The following ZIC5 variants were observed in gnomAD, a reference collection of about 807,000 sequenced individuals.
The protein encoded by ZIC5 is Zic family zinc finger 5, also known as zinc finger protein ZIC 5.
Under a neutral mutation model 28.5 loss-of-function variants are expected in ZIC5, and 20 were observed. That is an observed-to-expected ratio of 0.70 (90% confidence interval 0.49 to 1.02). The LOEUF (loss-of-function observed/expected upper bound fraction) is 1.02, where lower values mean the gene tolerates loss of function less well. Ranked by LOEUF, ZIC5 falls within the 50% of genes least tolerant of loss-of-function variation. The probability of loss-of-function intolerance (pLI) is 0.00; values close to 1 mark genes in which losing one functional copy is unlikely to be tolerated. For missense variants in ZIC5, 951 were observed against 899.7 expected (o/e 1.06, Z -0.73); for synonymous variants, 488 against 410.4 (o/e 1.19, Z -2.29).
rs757096138 is a variant in ZIC5, at chr13:99,970,827, C to T, written c.777G>A (p.Leu259=). The T allele has an allele frequency of 9.8e-6, 12 of 1,230,734 alleles. 1 individual carries two copies. The South Asian group carries it at 3.8e-4, about 39-fold the overall frequency. The allele number at this position is 1,230,734 out of a possible 1,614,324, so 76.2% of individuals were successfully genotyped here. A position where few individuals can be genotyped will look rare whatever the true frequency, so the allele number is the denominator to read the frequency against. The change falls in exon 1 of 2, where the codon CTG becomes CTA. Residue 259 remains leucine, a synonymous_variant. Coordinates refer to ENST00000267294, the MANE Select transcript of ZIC5 (RefSeq NM_033132.5). ...CGGCTGCCGCTGCCGCCGCCAGCCC[C>T]AGGCGCATCTGGCCGTTGAGCGGGT... ...HPHPLNGQMR[L]GLAAAAAAAA...
Position 99,963,928 on chromosome 13 carries a change from A to T in ZIC5, c.*1449T>A, listed in dbSNP as rs1424733193. 6.6e-6 allele frequency: 1 copy of T among 152,514 alleles called. No individual in the cohort carries two copies. Among genetic ancestry groups the T allele is most frequent in the East Asian group, 1.9e-4 (1 of 5,206 alleles). The allele number at this position is 152,514 out of a possible 1,614,324, so 9.4% of individuals were successfully genotyped here. A position where few individuals can be genotyped will look rare whatever the true frequency, so the allele number is the denominator to read the frequency against. On this transcript the variant is annotated 3_prime_UTR_variant, in exon 2 of 2. Coordinates refer to ENST00000267294, the MANE Select transcript of ZIC5 (RefSeq NM_033132.5). Reference sequence around the variant, plus strand: ...GTGTCTTCGGGGTCTCTAAGGATAAATTAGTGCTCTTTAGTGTATCTGTAG... The same window carrying T: ...GTGTCTTCGGGGTCTCTAAGGATAATTTAGTGCTCTTTAGTGTATCTGTAG...
Position 99,965,386 on chromosome 13 carries a change from C to T in ZIC5, c.1911G>A (p.Thr637=), listed in dbSNP as rs1056827721. The T allele has an allele frequency of 1.1e-5, 17 of 1,613,376 alleles. No homozygotes were observed. The highest frequency in any genetic ancestry group is 1.3e-5 in the Non-Finnish European group (15 of 1,179,778). The change falls in exon 2 of 2, where the codon ACG becomes ACA. Residue 637 remains threonine (T), a synonymous_variant. Transcript: ENST00000267294. ...TTATTAATAATAAATTCTAATGTAT[C>T]GTCCGCACAACTTCAGGGTTCCCGT... ...EIYGNPEVVR[T]IH
rs761446131 is a variant in ZIC5, at chr13:99,970,280, G to T, written c.1324C>A (p.Pro442Thr). Residue 442 changes from proline to threonine, a missense_variant, in exon 1 of 2, where the codon CCG (proline) becomes ACG (threonine). By Grantham distance (38) the Pro-to-Thr change is conservative. Transcript: ENST00000267294. ...GCCTTGAAGGGCTTGCCCTCGCGCG[G>T]ACAGTCCTCCCAGAAGCAGACGTGG... The part of the protein sequence containing the change: ...SSHVCFWEDC[P>T]REGKPFKAKY... 4 of 1,613,874 alleles carry T rather than the reference G, an allele frequency of 2.5e-6. No individual in the cohort carries two copies. Among genetic ancestry groups the T allele is most frequent in the Non-Finnish European group, 3.4e-6 (4 of 1,179,876 alleles).
Position 99,965,459 on chromosome 13 carries a change from G to A in ZIC5, c.1838C>T (p.Thr613Ile). 2.5e-6 allele frequency: 4 copies of A among 1,614,156 alleles called. No individual in the cohort carries two copies. Among genetic ancestry groups the A allele is most frequent in the Non-Finnish European group, 3.4e-6 (4 of 1,180,034 alleles). Reference protein sequence around the residue: ...QASGAPSHLHTPSSNGTTSET... With the variant: ...QASGAPSHLHIPSSNGTTSET... ...AGAGGTGGTTCCGTTGCTGGAAGGG[G>A]TGTGGAGGTGGCTGGGGGCCCCACT... The change falls in exon 2 of 2, where the codon ACC (threonine) becomes ATC (isoleucine). Residue 613 changes from threonine to isoleucine, a missense_variant. By Grantham distance (89) the Thr-to-Ile change is moderately conservative. This residue lies in a region of ZIC5 where 108 missense variants were observed against 118.4 expected (regional missense o/e 0.91). Transcript: ENST00000267294.
intron 1 of ZIC5, among the ~76,000 whole-genome samples, chr13:99,968,060 G>A (rs940848995): frequency 6.6e-6 from 1 of 152,224 alleles, no homozygotes; most frequent in Non-Finnish European, 1.5e-5. Context: ...GGTTATAAAC[G>A]GGACTGGGGG....
chr13:99,971,322 CG>C lies in ZIC5; in HGVS notation c.281del (p.Pro94ArgfsTer213), dbSNP rs763729631. On this transcript the variant is annotated frameshift_variant, in exon 1 of 2. Transcript: ENST00000267294. LOFTEE classifies it high-confidence loss of function. ...AGGCTGCAGCACGGGCGGCGGCTGC[CG>C]GAGCCTCCGGGTGTGCCGGGAACGC... ...SQAFPAHPEAPAAAARAAALV... is the reference protein window; with the variant it reads ...SQAFPAHPEAXAAAARAAALV... 7.3e-7 allele frequency: 1 copy of C among 1,375,216 alleles called. No individual in the cohort carries two copies. The highest frequency in any genetic ancestry group is 9.3e-7 in the Non-Finnish European group (1 of 1,075,234). The allele number at this position is 1,375,216 out of a possible 1,614,324, so 85.2% of individuals were successfully genotyped here.
In ZIC5 at chr13:99,971,296, A is replaced by C. The variant is rs1451742154; in HGVS notation, c.308T>G (p.Leu103Trp). 4.3e-5 allele frequency: 59 copies of C among 1,356,680 alleles called. No homozygotes were observed. The highest frequency in any genetic ancestry group is 4.9e-5 in the Non-Finnish European group (52 of 1,064,530). 84.0% of individuals were successfully genotyped at this position (1,356,680 alleles called of 1,614,324 possible). The change falls in exon 1 of 2, where the codon TTG (leucine) becomes TGG (tryptophan). Residue 103 changes from leucine to tryptophan, a missense_variant. By Grantham distance (61) the Leu-to-Trp change is moderately conservative. This residue lies in a region of ZIC5 where 784 missense variants were observed against 660.1 expected (regional missense o/e 1.19). Coordinates refer to ENST00000267294, the MANE Select transcript of ZIC5 (RefSeq NM_033132.5). ...APAAAARAAA[L>W]VAHPGAGSYP... The stretch of plus-strand genomic sequence containing the variant: ...GCTGCCCGCGCCGGGGTGCGCGACC[A>C]AGGCTGCAGCACGGGCGGCGGCTGC...
chr13:99,965,961 A>C, intron 1 of ZIC5, 142 bp from the exon 2 acceptor site: 1 of 917,124 alleles, frequency 1.1e-6, no homozygotes, highest in Non-Finnish European at 1.6e-6. Context: ...TAATTCACAA[A>C]AGGGAAGGGA....
rs1403894760 is a variant in ZIC5, at chr13:99,963,815, G to A, written c.*1562C>T. 6.6e-6 allele frequency: 1 copy of A among 151,132 alleles called. No homozygotes were observed. The highest frequency in any genetic ancestry group is 1.9e-4 in the East Asian group (1 of 5,186). 9.4% of individuals were successfully genotyped at this position (151,132 alleles called of 1,614,324 possible). On this transcript the variant is annotated 3_prime_UTR_variant, in exon 2 of 2. Coordinates refer to ENST00000267294, the MANE Select transcript of ZIC5 (RefSeq NM_033132.5). ...AATTAATTCAACTGTACAAATAATAGTGTTCACATACAAGTTATTAACAAT... is the reference window on the plus strand; with the variant it reads ...AATTAATTCAACTGTACAAATAATAATGTTCACATACAAGTTATTAACAAT...
In ZIC5 at chr13:99,970,583, CCGGCGGCGG is replaced by C. The variant is rs532287066; in HGVS notation, c.1012_1020del (p.Pro338_Pro340del). On this transcript the variant is annotated inframe_deletion, in exon 1 of 2. Transcript: ENST00000267294. ...TGCTGGTGCGGGTGCTGCGCGGGCG[CCGGCGGCGG>C]CGGCGGCGCCGGGGGCGGCGCGTGG... The C allele has an allele frequency of 3.0e-6, 3 of 992,020 alleles. No individual in the cohort carries two copies. The highest frequency in any genetic ancestry group is 4.5e-5 in the South Asian group (1 of 22,380). 61.5% of individuals were successfully genotyped at this position (992,020 alleles called of 1,614,324 possible). A position where few individuals can be genotyped will look rare whatever the true frequency, so the allele number is the denominator to read the frequency against.
chr13:99,971,376 G>C lies in ZIC5; in HGVS notation c.228C>G (p.Ser76Arg). 1 of 1,477,910 alleles carries C rather than the reference G, an allele frequency of 6.8e-7. No individual in the cohort carries two copies. Among genetic ancestry groups the C allele is most frequent in the Non-Finnish European group, 8.9e-7 (1 of 1,125,016 alleles). 91.5% of individuals were successfully genotyped at this position (1,477,910 alleles called of 1,614,324 possible). The part of the protein sequence containing the change: ...PLGPEHMAQA[S>R]TLGLSPPSQA... ...GGGAGGGAGGGCTGAGGCCCAGCGT[G>C]CTCGCCTGGGCCATGTGCTCGGGTC... Residue 76 changes from serine to arginine, a missense_variant, in exon 1 of 2, where the codon AGC becomes AGG. Physicochemically the swap from Ser to Arg is moderately radical, Grantham distance 110. Coordinates refer to ENST00000267294, the MANE Select transcript of ZIC5 (RefSeq NM_033132.5).
rs557293859 is a variant in ZIC5 at position 99,963,719 on chromosome 13, A to G, written c.*1658T>C. Reference sequence around the variant, plus strand: ...AAATGACAATCTTTCACCAAAATGTATAATATAATTCTTTGGTGTGCTTTG... The same window carrying G: ...AAATGACAATCTTTCACCAAAATGTGTAATATAATTCTTTGGTGTGCTTTG... On this transcript the variant is annotated 3_prime_UTR_variant, in exon 2 of 2. Transcript: ENST00000267294. 1.3e-5 allele frequency: 2 copies of G among 152,286 alleles called. No homozygotes were observed. The highest frequency in any genetic ancestry group is 2.1e-4 in the South Asian group (1 of 4,800). 9.4% of individuals were successfully genotyped at this position (152,286 alleles called of 1,614,324 possible). A position where few individuals can be genotyped will look rare whatever the true frequency, so the allele number is the denominator to read the frequency against.
intron 1 of ZIC5, among the ~76,000 whole-genome samples, chr13:99,969,518 G>A (rs1170098948): frequency 2.6e-5 from 4 of 152,106 alleles, no homozygotes; most frequent in African/African-American, 9.7e-5. Context: ...GTGTCACGGT[G>A]GGCGAGTGCG....
rs1162020137 is a variant in ZIC5, at chr13:99,970,940, C to T, written c.664G>A (p.Gly222Ser). 14 of 1,392,764 alleles carry T rather than the reference C, an allele frequency of 1.0e-5. No homozygotes were observed. Among genetic ancestry groups the T allele is most frequent in the African/African-American group, 1.5e-5 (1 of 65,088 alleles). 86.3% of individuals were successfully genotyped at this position (1,392,764 alleles called of 1,614,324 possible). A position where few individuals can be genotyped will look rare whatever the true frequency, so the allele number is the denominator to read the frequency against. ...HSAGMFISAS[G>S]TYAGPDGSGG... ...CTGCCGTCCGGGCCCGCGTAGGTGC[C>T]GCTGGCGGAGATGAACATGCCGGCC... Residue 222 changes from glycine to serine, a missense_variant, in exon 1 of 2, where the codon GGC (glycine) becomes AGC (serine). Transcript: ENST00000267294.
At chr13:99,969,369 T>C (rs576947704) in intron 1 of ZIC5, among the ~76,000 whole-genome samples, 1 of 152,132 alleles carries the variant, frequency 6.6e-6, no homozygotes, top group East Asian at 1.9e-4. Flanking sequence ...TGATACTGCG[T>C]GTGAGAGGGC....
Position 99,970,527 on chromosome 13 carries a change from G to T in ZIC5, c.1077C>A (p.Ala359=). ...HHPHLPGAAG[A]FLRYMRQPIK... is the part of the protein sequence containing the mutation. ...TTGGCTGCCGCATGTAGCGCAGGAA[G>T]GCCCCAGCCGCCCCTGGGAGGTGGG... Residue 359 remains alanine (A), a synonymous_variant, in exon 1 of 2, where the codon GCC becomes GCA. Coordinates refer to ENST00000267294, the MANE Select transcript of ZIC5 (RefSeq NM_033132.5). 8.9e-7 allele frequency: 1 copy of T among 1,119,200 alleles called. No individual in the cohort carries two copies. Among genetic ancestry groups the T allele is most frequent in the Admixed American group, 3.4e-5 (1 of 29,068 alleles). 69.3% of individuals were successfully genotyped at this position (1,119,200 alleles called of 1,614,324 possible).
Position 99,970,641 on chromosome 13 carries a change from G to T in ZIC5, c.963C>A (p.Ala321=). 1 of 1,123,234 alleles carries T rather than the reference G, an allele frequency of 8.9e-7. No homozygotes were observed. The highest frequency in any genetic ancestry group is 1.1e-6 in the Non-Finnish European group (1 of 914,202). The allele number at this position is 1,123,234 out of a possible 1,614,324, so 69.6% of individuals were successfully genotyped here. Residue 321 remains alanine, a synonymous_variant, in exon 1 of 2, where the codon GCC becomes GCA. Transcript: ENST00000267294. ...GGTGCTGCAGGTGGGGCCCGGGCCC[G>T]GCCGCTGCTGCGGCCGCCGCAGCCG... ...NLAAAAAAAA[A]GPGPHLQHHA... is the part of the protein sequence containing the mutation.
chr13:99,971,015 G>A lies in ZIC5; in HGVS notation c.589C>T (p.Gln197Ter), dbSNP rs2053152153. The change falls in exon 1 of 2, where the codon CAG (glutamine) becomes TAG (stop). Residue 197 changes from glutamine (Q) to a stop codon, truncating the protein, a stop_gained. Coordinates refer to ENST00000267294, the MANE Select transcript of ZIC5 (RefSeq NM_033132.5). LOFTEE classifies it high-confidence loss of function. ...TGGGGGGAGCCGGTGCCGGACCGCT[G>A]CTCCCCTCCGAGCGGGGCCCCGTGC... ...AMHGAPLGGE[Q>*]RSGTGSPQHP... The A allele has an allele frequency of 2.8e-6, 4 of 1,415,156 alleles. No homozygotes were observed. The highest frequency in any genetic ancestry group is 3.6e-6 in the Non-Finnish European group (4 of 1,097,628). The allele number at this position is 1,415,156 out of a possible 1,614,324, so 87.7% of individuals were successfully genotyped here.
At chr13:99,971,820 G>A (rs578221462), upstream of ZIC5, 55 of 1,104,326 alleles carry the variant, frequency 5.0e-5, no homozygotes, top group Admixed American at 1.3e-3. Context: ...AATGGCACGG[G>A]TGGGATTGGA....
Sources: allele counts gnomAD v4.1 joint callset (sites outside exome capture counted in the v4.1 genomes callset), GRCh38; gene constraint gnomAD v4.1.1; regional missense constraint gnomAD v4.1.1; transcripts MANE v1.5; gene names NCBI Gene and HGNC (gene_info 2026-07-23, HGNC 2026-07-21).